Variants in RBM19 observed in about 807,000 individuals in gnomAD.
RBM19 encodes the protein probable RNA-binding protein 19.
A neutral mutation model predicts 116.8 loss-of-function variants in RBM19; 94 were observed. The ratio of observed to expected loss-of-function variants is 0.80; its 90% CI spans 0.68 to 0.95. RBM19 has a LOEUF of 0.95. Among genes scored for constraint, RBM19 ranks in the 40% least tolerant of loss-of-function variants. The pLI is 0.00. For missense variants in RBM19, 1,161 were observed against 1,220.7 expected (o/e 0.95, Z 0.73); for synonymous variants, 475 against 494.1 (o/e 0.96, Z 0.51).
intron 21 of RBM19, among the ~76,000 whole-genome samples, chr12:113,884,112 CAAA>C (rs1273858250): frequency 1.4e-5 from 1 of 72,026 alleles, no homozygotes; most frequent in Non-Finnish European, 2.8e-5. Context: ...CCATCTCTAC[CAAA>C]AAAAAAAAAA....
At chr12:113,824,855 A>AC (rs905115187) in intron 23 of RBM19, among the ~76,000 whole-genome samples, 2 of 151,346 alleles carry the variant, frequency 1.3e-5, no homozygotes, top group African/African-American at 2.4e-5. Flanking sequence ...CTCACTAGAG[A>AC]CCCCCCTCCC....
chr12:113,847,792 T>A (rs1877120383), intron 22 of RBM19, among the ~76,000 whole-genome samples: 2 of 152,226 alleles, frequency 1.3e-5, no homozygotes, highest in Non-Finnish European at 2.9e-5. Flanking sequence ...AGTTCTCTAT[T>A]CCCGTACCAC....
intron 22 of RBM19, among the ~76,000 whole-genome samples, chr12:113,857,997 C>T (rs1005568907): frequency 6.6e-6 from 1 of 152,258 alleles, no homozygotes; most frequent in African/African-American, 2.4e-5. Flanking sequence ...AGGGGACAGG[C>T]CACCTGTGGG....
At chr12:113,918,660 T>C (rs1882931562) in intron 19 of RBM19, among the ~76,000 whole-genome samples, 1 of 152,178 alleles carries the variant, frequency 6.6e-6, no homozygotes. Flanking sequence ...GACTCAGCCC[T>C]TGGACGCTCT....
intron 23 of RBM19, 22 bp downstream of exon 23, chr12:113,844,646 C>G: frequency 6.3e-7 from 1 of 1,599,318 alleles, no homozygotes; most frequent in South Asian, 1.1e-5. Flanking sequence ...TGAGTCAGCC[C>G]AAAAGACCGT....
intron 21 of RBM19, among the ~76,000 whole-genome samples, chr12:113,882,517 G>T (rs2135790901): frequency 1.3e-5 from 2 of 152,368 alleles, no homozygotes; most frequent in South Asian, 4.1e-4. Flanking sequence ...TAGGCTCATA[G>T]TAAAAGGAAT....
chr12:113,926,929 G>C (rs1233103900), intron 17 of RBM19, 125 bp downstream of exon 17: 1 of 1,128,474 alleles, frequency 8.9e-7, no homozygotes, highest in African/African-American at 1.6e-5. Context: ...GGTGGTGCTG[G>C]TTATTGCTCC....
intron 6 of RBM19, among the ~76,000 whole-genome samples, chr12:113,957,568 A>AAAAATAAAAT (rs373537959): frequency 0.085 from 12,894 of 151,594 alleles, 650 homozygotes; most frequent in East Asian, 0.16. Context: ...CTCTGTCTCA[A>AAAAATAAAAT]AAAATAAAAT....
chr12:113,928,189 T>C (rs1869279488), intron 16 of RBM19, among the ~76,000 whole-genome samples: 1 of 151,862 alleles, frequency 6.6e-6, no homozygotes, highest in South Asian at 2.1e-4. Context: ...ACACAAAAAT[T>C]AGCCGGGCAT....
intron 21 of RBM19, among the ~76,000 whole-genome samples, chr12:113,860,342 A>G (rs1878265400): frequency 6.6e-6 from 1 of 152,266 alleles, no homozygotes; most frequent in African/African-American, 2.4e-5. Flanking sequence ...AGGCGGATGC[A>G]TCCCATGACA....
chr12:113,841,035 G>A (rs938647846), intron 23 of RBM19, among the ~76,000 whole-genome samples: 7 of 152,182 alleles, frequency 4.6e-5, no homozygotes, highest in African/African-American at 7.2e-5. Context: ...TGACATACTC[G>A]GGGAGCCCAG....
chr12:113,927,381 C>T (rs144793506), intron 16 of RBM19, 152 bp from the exon 17 acceptor site: 1 of 860,374 alleles, frequency 1.2e-6, no homozygotes, highest in African/African-American at 1.7e-5. Context: ...CACCGTGATC[C>T]CCAACTTGTG....
intron 21 of RBM19, among the ~76,000 whole-genome samples, chr12:113,886,382 C>T (rs1880518541): frequency 1.3e-5 from 2 of 152,216 alleles, no homozygotes; most frequent in Non-Finnish European, 2.9e-5. Flanking sequence ...ATGCACCCGC[C>T]TCTGCCTCCC....
intron 16 of RBM19, among the ~76,000 whole-genome samples, chr12:113,928,296 C>T (rs1869289935): frequency 6.6e-6 from 1 of 152,112 alleles, no homozygotes; most frequent in Admixed American, 6.6e-5. Flanking sequence ...GAGATCATGC[C>T]ACTGCACTCC....
At chr12:113,833,600 T>C (rs1246355016) in intron 23 of RBM19, among the ~76,000 whole-genome samples, 5 of 152,204 alleles carry the variant, frequency 3.3e-5, no homozygotes, top group Non-Finnish European at 7.3e-5. Context: ...CCTGGGATGG[T>C]TCTCCCCAGA....
At chr12:113,881,857 T>G (rs1396234856) in intron 21 of RBM19, among the ~76,000 whole-genome samples, 3 of 152,248 alleles carry the variant, frequency 2.0e-5, no homozygotes. Context: ...GGCCTGGTAG[T>G]GTCTCTTCCG....
chr12:113,817,298 T>G (rs2135665353), downstream of RBM19: 1 of 152,248 alleles, frequency 6.6e-6, no homozygotes, highest in Middle Eastern at 3.4e-3. Context: ...GCGACCCGAG[T>G]TTCTGTCTTG....
intron 13 of RBM19, among the ~76,000 whole-genome samples, chr12:113,943,943 A>T (rs1038072292): frequency 7.2e-5 from 11 of 152,006 alleles, no homozygotes; most frequent in African/African-American, 1.9e-4. Context: ...CCAACTACAC[A>T]TGTGGCTCAC....
chr12:113,936,846 G>T, intron 16 of RBM19, 161 bp downstream of exon 16: 1 of 943,490 alleles, frequency 1.1e-6, no homozygotes, highest in Non-Finnish European at 1.6e-6. Context: ...GTTTTTTACA[G>T]GACATGCCCA....
Sources: gnomAD v4.1 joint callset for allele counts (sites outside exome capture counted in the v4.1 genomes callset) on GRCh38, gnomAD v4.1.1 for gene constraint, MANE v1.5 for transcripts, NCBI Gene and HGNC (gene_info 2026-07-23, HGNC 2026-07-21) for gene names.